The following BMP7 variants were observed in gnomAD, a reference collection of about 807,000 sequenced individuals.
The protein encoded by BMP7 is bone morphogenetic protein 7.
A neutral mutation model predicts 41.2 loss-of-function variants in BMP7; 12 were observed. The observed-to-expected ratio is 0.29, with a 90% CI of 0.19 to 0.47. The LOEUF (loss-of-function observed/expected upper bound fraction) is 0.47, where lower values mean the gene tolerates loss of function less well. Ranked by LOEUF, BMP7 falls within the 20% of genes least tolerant of loss-of-function variation. The pLI is 0.99. For synonymous variants in BMP7, 248 were observed against 250.0 expected, an observed-to-expected ratio of 0.99 and a Z score of 0.07; for missense variants, 467 against 606.0, an observed-to-expected ratio of 0.77 and a Z score of 2.41.
chr20:57,217,951 G>T (rs1174374673), intron 2 of BMP7, among the ~76,000 whole-genome samples: 1 of 152,192 alleles, frequency 6.6e-6, no homozygotes, highest in Admixed American at 6.5e-5. Context: ...GTGTTTACGT[G>T]TACAGGAGAC....
chr20:57,179,581 G>A (rs1217963571), intron 4 of BMP7, among the ~76,000 whole-genome samples: 1 of 152,202 alleles, frequency 6.6e-6, no homozygotes, highest in Admixed American at 6.5e-5. Flanking sequence ...GTAGCGTGCC[G>A]GAGCATGTGC....
chr20:57,244,359 C>T (rs542479247), intron 1 of BMP7, among the ~76,000 whole-genome samples: 1 of 152,366 alleles, frequency 6.6e-6, no homozygotes, highest in African/African-American at 2.4e-5. Context: ...ACTGTTCACA[C>T]ACCACCTCCC....
intron 1 of BMP7, among the ~76,000 whole-genome samples, chr20:57,231,606 C>T (rs373804950): frequency 2.7e-4 from 41 of 152,328 alleles, no homozygotes; most frequent in African/African-American, 9.6e-4. Flanking sequence ...AGTCCTGTTC[C>T]AACCATCTCT....
intron 1 of BMP7, among the ~76,000 whole-genome samples, chr20:57,237,900 C>T (rs1280525296): frequency 6.6e-6 from 1 of 152,214 alleles, no homozygotes; most frequent in African/African-American, 2.4e-5. Context: ...ACCTATGGAA[C>T]ACCTAAGCCA....
chr20:57,253,011 G>C (rs930313954), intron 1 of BMP7, among the ~76,000 whole-genome samples: 1 of 152,180 alleles, frequency 6.6e-6, no homozygotes, highest in East Asian at 1.9e-4. Context: ...TAGTGCCCAG[G>C]CTGAGAAACT....
intron 1 of BMP7, among the ~76,000 whole-genome samples, chr20:57,251,517 C>T (rs1007145144): frequency 1.3e-5 from 2 of 152,206 alleles, no homozygotes; most frequent in African/African-American, 2.4e-5. Flanking sequence ...GAGGAGTCTT[C>T]CGAGGGGACA....
intron 3 of BMP7, among the ~76,000 whole-genome samples, chr20:57,197,964 G>A (rs1160128088): frequency 6.6e-6 from 1 of 152,176 alleles, no homozygotes; most frequent in Non-Finnish European, 1.5e-5. Context: ...CTCAGGGCCT[G>A]GCTTGTAGGG....
intron 1 of BMP7, among the ~76,000 whole-genome samples, chr20:57,241,304 G>C (rs2066068569): frequency 6.6e-6 from 1 of 152,196 alleles, no homozygotes. Flanking sequence ...AATCTCCAAA[G>C]CTAAACTCAA....
chr20:57,259,286 C>T lies in BMP7; in HGVS notation c.418+6419G>A, dbSNP rs6127988. ...TTGGCCAGGCAGCCCCAAGCATCAG[C>T]GAGGGCTGGAAGCCTTCACTGTGAA... is the stretch of plus-strand genomic sequence containing the variant. On this transcript the variant is annotated intron_variant, in intron 1 of 6. Transcript: ENST00000395863. The surrounding 1 kb of genome is among the most constrained non-coding windows in gnomAD (Gnocchi z 4.7). Among the ~76,000 whole-genome samples the T allele has an allele frequency of 0.17, 25,700 of 152,156 alleles. 2,268 individuals carry two copies. Among genetic ancestry groups the T allele is most frequent in the Admixed American group, 0.24 (3,729 of 15,268 alleles).
Position 57,186,601 on chromosome 20 carries a change from G to A in BMP7, c.761-2682C>T, listed in dbSNP as rs568711419. Among the ~76,000 whole-genome samples the A allele has an allele frequency of 1.1e-4, 17 of 152,328 alleles. No individual in the cohort carries two copies. In the South Asian group the frequency reaches 3.5e-3, roughly 32 times the overall value. ...GCAACAAAGTAGAATCTGAACCCAGGTGAGGATGACGGGGAGTTGGGAGGC... is the reference window on the plus strand; with the variant it reads ...GCAACAAAGTAGAATCTGAACCCAGATGAGGATGACGGGGAGTTGGGAGGC... On this transcript the variant is annotated intron_variant, in intron 3 of 6. Coordinates refer to ENST00000395863, the MANE Select transcript of BMP7 (RefSeq NM_001719.3).
intron 1 of BMP7, among the ~76,000 whole-genome samples, chr20:57,233,548 G>GC (rs1183240963): frequency 1.3e-5 from 2 of 152,138 alleles, no homozygotes; most frequent in Non-Finnish European, 2.9e-5. Flanking sequence ...CCACCTGGGC[G>GC]CCCCCCCTTC....
chr20:57,203,749 A>G (rs1984673973), intron 2 of BMP7, among the ~76,000 whole-genome samples: 1 of 152,232 alleles, frequency 6.6e-6, no homozygotes, highest in Non-Finnish European at 1.5e-5. Flanking sequence ...TTGTACCAGA[A>G]ACCAAGGCAT....
chr20:57,257,407 T>A (rs973225747), intron 1 of BMP7, among the ~76,000 whole-genome samples: 10 of 150,866 alleles, frequency 6.6e-5, no homozygotes, highest in African/African-American at 2.5e-4. Flanking sequence ...TAAATGTATA[T>A]TGTTAATTAA....
chr20:57,222,588 A>G lies in BMP7; in HGVS notation c.611+5641T>C, dbSNP rs530039049. Among the ~76,000 whole-genome samples, 3 of 152,184 alleles carry G rather than the reference A, an allele frequency of 2.0e-5. No homozygotes were observed. The East Asian group carries it at 5.8e-4, about 30-fold the overall frequency. ...GCCCAGAGAAAGGGACTGCGAGGAA[A>G]AATGCCAAGGCTCCTTGATGAGGGC... On this transcript the variant is annotated intron_variant, in intron 2 of 6. Transcript: ENST00000395863.
In BMP7 at chr20:57,224,161, TG is replaced by T. The variant is rs1985253883; in HGVS notation, c.611+4067del. On this transcript the variant is annotated intron_variant, in intron 2 of 6. Coordinates refer to ENST00000395863, the MANE Select transcript of BMP7 (RefSeq NM_001719.3). This position sits in a 1 kb window ranked among gnomAD's most constrained non-coding sequence, Gnocchi z 4.8. ...GCCTCCTCTGCCAATCCATCCTGTG[TG>T]GTGGGGACAGGCAGGGGGCAGCTCC... 6.6e-6 allele frequency among the ~76,000 whole-genome samples: 1 copy of T among 152,132 alleles called. No individual in the cohort carries two copies. The highest frequency in any genetic ancestry group is 6.5e-5 in the Admixed American group (1 of 15,272).
Position 57,170,365 on chromosome 20 carries a change from G to C in BMP7, c.*594C>G, listed in dbSNP as rs1983786973. 5.7e-6 allele frequency: 1 copy of C among 175,544 alleles called. No individual in the cohort carries two copies. Among genetic ancestry groups the C allele is most frequent in the South Asian group, 1.3e-4 (1 of 7,672 alleles). 10.9% of individuals were successfully genotyped at this position (175,544 alleles called of 1,614,324 possible). On this transcript the variant is annotated 3_prime_UTR_variant, in exon 7 of 7. Transcript: ENST00000395863. ...AACACTGGGCCTCTGCAAGCCTCAG[G>C]ATGAAAACTGTAGGGAATGGAGAGG... is the stretch of plus-strand genomic sequence containing the variant.
At chr20:57,216,086 C>T (rs1339640080) in intron 2 of BMP7, among the ~76,000 whole-genome samples, 1 of 152,110 alleles carries the variant, frequency 6.6e-6, no homozygotes, top group African/African-American at 2.4e-5. Flanking sequence ...CTAGAGAAGG[C>T]CAGAGCGGGC....
In BMP7 at chr20:57,264,109, T is replaced by A. The variant is rs138234495; in HGVS notation, c.418+1596A>T. On this transcript the variant is annotated intron_variant, in intron 1 of 6. Coordinates refer to ENST00000395863, the MANE Select transcript of BMP7 (RefSeq NM_001719.3). ...AAACTTTTTTGAAGGTATTTTGGCA[T>A]CTAAACCTCCCACCCCTTGCTCGCT... is the stretch of plus-strand genomic sequence containing the variant. 2.2e-4 allele frequency among the ~76,000 whole-genome samples: 33 copies of A among 152,344 alleles called. 1 individual carries two copies. Among genetic ancestry groups the A allele is most frequent in the African/African-American group, 7.9e-4 (33 of 41,574 alleles).
chr20:57,183,249 G>A (rs1024786660), intron 4 of BMP7, among the ~76,000 whole-genome samples: 4 of 151,694 alleles, frequency 2.6e-5, no homozygotes, highest in Non-Finnish European at 4.4e-5. Flanking sequence ...AAAAAAAAAT[G>A]TGTGTGTGTG....
Sources: allele counts gnomAD v4.1 joint callset (sites outside exome capture counted in the v4.1 genomes callset), GRCh38; gene constraint gnomAD v4.1.1; non-coding constraint Gnocchi (gnomAD v3.1); transcripts MANE v1.5; gene names NCBI Gene and HGNC (gene_info 2026-07-23, HGNC 2026-07-21).